RORB: variants seen among roughly 807,000 people sequenced by gnomAD.
RORB encodes the protein nuclear receptor ROR-beta.
Under a neutral mutation model 59.1 loss-of-function variants are expected in RORB, and 6 were observed. The observed-to-expected ratio is 0.10, with a 90% CI of 0.06 to 0.20. The LOEUF is 0.20. RORB is among the 10% of genes least tolerant of loss of function. RORB has a pLI of 1.00. For synonymous variants in RORB, 215 were observed against 204.5 expected (o/e 1.05, Z -0.44); for missense variants, 320 against 560.5 (o/e 0.57, Z 4.33).
At chr9:74,537,943 C>T (rs1043044986) in intron 1 of RORB, among the ~76,000 whole-genome samples, 1 of 152,086 alleles carries the variant, frequency 6.6e-6, no homozygotes, top group African/African-American at 2.4e-5. Context: ...ATTCACTCAG[C>T]TCTCACTCAC....
intron 1 of RORB, among the ~76,000 whole-genome samples, chr9:74,524,243 T>A (rs2118079756): frequency 6.6e-6 from 1 of 151,714 alleles, no homozygotes; most frequent in South Asian, 2.1e-4. Flanking sequence ...GTGGAAAGGC[T>A]TGAAGAAAAG....
chr9:74,506,102 G>A (rs983734681), intron 1 of RORB, among the ~76,000 whole-genome samples: 1 of 151,636 alleles, frequency 6.6e-6, no homozygotes, highest in African/African-American at 2.4e-5. Context: ...TGTATATTGA[G>A]TTTCATTTTC....
At chr9:74,576,016 G>A (rs1563941986) in intron 1 of RORB, among the ~76,000 whole-genome samples, 1 of 152,062 alleles carries the variant, frequency 6.6e-6, no homozygotes, top group Admixed American at 6.6e-5. Flanking sequence ...CCAAAGGAGT[G>A]TGTTTCCAGA....
chr9:74,548,604 A>C (rs1826540213), intron 1 of RORB, among the ~76,000 whole-genome samples: 1 of 152,226 alleles, frequency 6.6e-6, no homozygotes, highest in Non-Finnish European at 1.5e-5. Flanking sequence ...AGCACACTGC[A>C]CAACTTTGTT....
chr9:74,533,597 G>A (rs964099735), intron 1 of RORB, among the ~76,000 whole-genome samples: 2 of 151,788 alleles, frequency 1.3e-5, no homozygotes, highest in African/African-American at 4.8e-5. Context: ...ACACTTTTTT[G>A]AAAAATTAGT....
At chr9:74,524,939 G>A (rs981425483) in intron 1 of RORB, among the ~76,000 whole-genome samples, 3 of 151,610 alleles carry the variant, frequency 2.0e-5, no homozygotes, top group African/African-American at 7.3e-5. Context: ...TTTAGAAAGG[G>A]AAATTATTAT....
chr9:74,626,906 G>A (rs1264911889), intron 1 of RORB, among the ~76,000 whole-genome samples: 1 of 152,242 alleles, frequency 6.6e-6, no homozygotes, highest in African/African-American at 2.4e-5. Flanking sequence ...GCTCACACCT[G>A]TAATCCCAGC....
At chr9:74,604,816 T>C (rs1823124987) in intron 1 of RORB, among the ~76,000 whole-genome samples, 1 of 152,224 alleles carries the variant, frequency 6.6e-6, no homozygotes, top group Non-Finnish European at 1.5e-5. Flanking sequence ...TATATTTTAA[T>C]AATGCTTTTC....
At chr9:74,583,404 C>T (rs1006277475) in intron 1 of RORB, among the ~76,000 whole-genome samples, 5 of 151,988 alleles carry the variant, frequency 3.3e-5, no homozygotes, top group African/African-American at 9.7e-5. Flanking sequence ...TACTGCTTTA[C>T]ATCTCTTTTA....
At chr9:74,594,678 ACTTT>A (rs1822946529) in intron 1 of RORB, among the ~76,000 whole-genome samples, 1 of 152,218 alleles carries the variant, frequency 6.6e-6, no homozygotes, top group African/African-American at 2.4e-5. Context: ...TTGCAGTTTT[ACTTT>A]CTTCTTTACA....
chr9:74,524,023 T>TA (rs1826119965), intron 1 of RORB, among the ~76,000 whole-genome samples: 1 of 150,512 alleles, frequency 6.6e-6, no homozygotes, highest in African/African-American at 2.4e-5. Context: ...TTTTTTTTTT[T>TA]ACCAAATAGT....
chr9:74,600,323 T>A (rs1034312127), intron 1 of RORB, among the ~76,000 whole-genome samples: 1 of 152,348 alleles, frequency 6.6e-6, no homozygotes, highest in South Asian at 2.1e-4. Flanking sequence ...AGACCAAAAA[T>A]ATTTTCAGAC....
At chr9:74,571,843 G>A (rs968824999) in intron 1 of RORB, among the ~76,000 whole-genome samples, 1 of 152,136 alleles carries the variant, frequency 6.6e-6, no homozygotes, top group Non-Finnish European at 1.5e-5. Context: ...AGCACAGATT[G>A]TAGTAAATGC....
intron 1 of RORB, among the ~76,000 whole-genome samples, chr9:74,554,857 A>G (rs1822260379): frequency 6.6e-6 from 1 of 152,198 alleles, no homozygotes; most frequent in South Asian, 2.1e-4. Flanking sequence ...ATCCTAGAAC[A>G]TGAGCCAGCA....
chr9:74,533,674 A>G (rs73534479), intron 1 of RORB, among the ~76,000 whole-genome samples: 2,398 of 152,174 alleles, frequency 0.016, 48 homozygotes, highest in African/African-American at 0.047. Flanking sequence ...GTCCAGAGAG[A>G]CAATGCTGTC....
At chr9:74,511,586 C>A (rs1825939851) in intron 1 of RORB, among the ~76,000 whole-genome samples, 1 of 149,728 alleles carries the variant, frequency 6.7e-6, no homozygotes, top group African/African-American at 2.5e-5. Context: ...GGCAACATAG[C>A]AAGCCCTCAT....
At chr9:74,508,579 CCT>C (rs1172182667) in intron 1 of RORB, among the ~76,000 whole-genome samples, 2 of 151,938 alleles carry the variant, frequency 1.3e-5, no homozygotes, top group African/African-American at 4.8e-5. Context: ...GTAGGTGACA[CCT>C]TCTATAGTGA....
intron 4 of RORB, among the ~76,000 whole-genome samples, chr9:74,656,458 G>A (rs892660331): frequency 5.9e-5 from 9 of 152,138 alleles, no homozygotes; most frequent in African/African-American, 2.2e-4. Flanking sequence ...AACCAAGGCC[G>A]GGCATGGTGG....
chr9:74,609,835 G>C (rs1038842362), intron 1 of RORB, among the ~76,000 whole-genome samples: 1 of 152,252 alleles, frequency 6.6e-6, no homozygotes, highest in African/African-American at 2.4e-5. Flanking sequence ...GTCCCCAGGG[G>C]GTATTTGGCA....
Sources: allele counts gnomAD v4.1 joint callset (sites outside exome capture counted in the v4.1 genomes callset), GRCh38; gene constraint gnomAD v4.1.1; transcripts MANE v1.5; gene names NCBI Gene and HGNC (gene_info 2026-07-23, HGNC 2026-07-21).